Variants in EIF5 observed in about 807,000 individuals in gnomAD.
The protein encoded by EIF5 is eukaryotic translation initiation factor 5.
EIF5 carries 10 observed loss-of-function variants against 48.3 expected under a neutral mutation model. The ratio of observed to expected loss-of-function variants is 0.21; its 90% CI spans 0.13 to 0.35. The LOEUF is 0.35. Ranked by LOEUF, EIF5 falls within the 10% of genes least tolerant of loss-of-function variation. The probability of loss-of-function intolerance (pLI) is 1.00; values close to 1 mark genes in which losing one functional copy is unlikely to be tolerated. For synonymous variants in EIF5, 237 were observed against 173.1 expected (o/e 1.37, Z -2.90); for missense variants, 397 against 533.2 (o/e 0.74, Z 2.51).
At position 103,336,764 on chromosome 14, in the gene EIF5, A is replaced by T; in HGVS notation, c.242A>T (p.Glu81Val). Residue 81 changes from glutamate (E) to valine (V), a missense_variant, in exon 5 of 12, where the codon GAG becomes GTG. By Grantham distance (121) the Glu-to-Val change is moderately radical. This residue lies in a region of EIF5 where 108 missense variants were observed against 188.3 expected (regional missense o/e 0.57). Transcript: ENST00000216554. ...CGTTACATTGTCAATGGATCTCATGAGGCGAATAAGCTGCAAGACATGTTG... is the reference window on the plus strand; with the variant it reads ...CGTTACATTGTCAATGGATCTCATGTGGCGAATAAGCTGCAAGACATGTTG... ...NDRYIVNGSHEANKLQDMLDG... is the reference protein window; with the variant it reads ...NDRYIVNGSHVANKLQDMLDG... 6.2e-7 allele frequency: 1 copy of T among 1,614,176 alleles called. No individual in the cohort carries two copies. Among genetic ancestry groups the T allele is most frequent in the South Asian group, 1.1e-5 (1 of 91,080 alleles).
At chr14:103,337,822 GC>G in intron 6 of EIF5, 1 of 504,730 alleles carries the variant, frequency 2.0e-6, no homozygotes, top group Non-Finnish European at 3.9e-6. Flanking sequence ...GGTAAAGAGG[GC>G]CCCCTTCATT....
rs1218178172 is a variant in EIF5, at chr14:103,343,299, G to C, written c.*2247G>C. The C allele has an allele frequency of 6.6e-6, 1 of 152,154 alleles. No homozygotes were observed. Among genetic ancestry groups the C allele is most frequent in the Non-Finnish European group, 1.5e-5 (1 of 68,008 alleles). 9.4% of individuals were successfully genotyped at this position (152,154 alleles called of 1,614,324 possible). A position where few individuals can be genotyped will look rare whatever the true frequency, so the allele number is the denominator to read the frequency against. ...TTGGATGTATCCTGCAGTTACACTT[G>C]CCAGCCCCACTCACAAAAGTTGTTC... On this transcript the variant is annotated 3_prime_UTR_variant, in exon 12 of 12. Transcript: ENST00000216554.
intron 6 of EIF5, chr14:103,338,037 T>TCC (rs2089309519): frequency 1.2e-5 from 7 of 574,376 alleles, no homozygotes; most frequent in South Asian, 1.1e-4. Flanking sequence ...ATGACAGGGA[T>TCC]CCTTAGGGCC....
rs555881997 is a variant in EIF5 at position 103,339,947 on chromosome 14, G to T, written c.1071+144G>T. ...GATCTCAGCTCCCTGAAACCTCCAC[G>T]TCCCGGCTTCAAGTGATTCTCCTGC... On this transcript the variant is annotated intron_variant, in intron 10 of 11. Transcript: ENST00000216554. 5.2e-6 allele frequency: 5 copies of T among 963,340 alleles called. No individual in the cohort carries two copies. The South Asian group carries it at 7.2e-5, about 14-fold the overall frequency. 59.7% of individuals were successfully genotyped at this position (963,340 alleles called of 1,614,324 possible). A position where few individuals can be genotyped will look rare whatever the true frequency, so the allele number is the denominator to read the frequency against.
rs1241715291 is a variant in EIF5 at position 103,341,413 on chromosome 14, T to C, written c.*361T>C. 1 of 179,320 alleles carries C rather than the reference T, an allele frequency of 5.6e-6. No individual in the cohort carries two copies. The highest frequency in any genetic ancestry group is 5.5e-5 in the Admixed American group (1 of 18,158). 11.1% of individuals were successfully genotyped at this position (179,320 alleles called of 1,614,324 possible). On this transcript the variant is annotated 3_prime_UTR_variant, in exon 12 of 12. Coordinates refer to ENST00000216554, the MANE Select transcript of EIF5 (RefSeq NM_001969.5). ...GAAGTAACTGGCTCCTTACTTTAAA[T>C]GTTCTGCCATCATTTCACCTGATGA...
intron 9 of EIF5, 122 bp from the exon 10 acceptor site, chr14:103,339,517 A>G (rs1440753982): frequency 3.3e-5 from 49 of 1,481,130 alleles, no homozygotes; most frequent in Middle Eastern, 2.2e-4. Flanking sequence ...ATGTTTATGC[A>G]TTGACCTTTT....
In EIF5 at chr14:103,336,120, A is replaced by G; in HGVS notation, c.154+3A>G. ...GGCGCTTAATCGGCCTCCAACGTGT[A>G]AGTAAAGCTTGGAAAAGTCCACAGG... On this transcript the variant is annotated splice_donor_region_variant and intron_variant, in intron 4 of 11. Coordinates refer to ENST00000216554, the MANE Select transcript of EIF5 (RefSeq NM_001969.5). 1.2e-6 allele frequency: 2 copies of G among 1,613,918 alleles called. No individual in the cohort carries two copies. Among genetic ancestry groups the G allele is most frequent in the Non-Finnish European group, 1.7e-6 (2 of 1,179,882 alleles).
At chr14:103,339,393 C>T in intron 9 of EIF5, 60 bp downstream of exon 9, 2 of 1,538,202 alleles carry the variant, frequency 1.3e-6, no homozygotes, top group Non-Finnish European at 1.7e-6. Flanking sequence ...TCGAGATGGT[C>T]ATATTAACCA....
Position 103,341,668 on chromosome 14 carries a change from T to A in EIF5, c.*616T>A, listed in dbSNP as rs1331123363. Reference sequence around the variant, plus strand: ...CCAAGAAGTAAATATGACCTCAGTGTCCTATAAATAATGTAAGAGCAGGAT... The same window carrying A: ...CCAAGAAGTAAATATGACCTCAGTGACCTATAAATAATGTAAGAGCAGGAT... On this transcript the variant is annotated 3_prime_UTR_variant, in exon 12 of 12. Transcript: ENST00000216554. The A allele has an allele frequency of 3.3e-5, 5 of 152,318 alleles. No homozygotes were observed. The highest frequency in any genetic ancestry group is 3.3e-4 in the Admixed American group (5 of 15,304). 9.4% of individuals were successfully genotyped at this position (152,318 alleles called of 1,614,324 possible). A position where few individuals can be genotyped will look rare whatever the true frequency, so the allele number is the denominator to read the frequency against.
chr14:103,340,620 A>G, intron 11 of EIF5, 59 bp downstream of exon 11: 2 of 1,567,088 alleles, frequency 1.3e-6, no homozygotes, highest in Non-Finnish European at 1.7e-6. Flanking sequence ...TTGAGATTTA[A>G]AAAGGTTTGT....
intron 10 of EIF5, among the ~76,000 whole-genome samples, chr14:103,340,122 G>A (rs571069519): frequency 6.6e-6 from 1 of 152,250 alleles, no homozygotes; most frequent in African/African-American, 2.4e-5. Context: ...AAGTGCTGAG[G>A]TTACAGGTGT....
chr14:103,341,141 A>G lies in EIF5; in HGVS notation c.*89A>G. 2.5e-6 allele frequency: 3 copies of G among 1,189,552 alleles called. No homozygotes were observed. The Admixed American group carries it at 5.3e-5, about 21-fold the overall frequency. 73.7% of individuals were successfully genotyped at this position (1,189,552 alleles called of 1,614,324 possible). On this transcript the variant is annotated 3_prime_UTR_variant, in exon 12 of 12. Transcript: ENST00000216554. Reference sequence around the variant, plus strand: ...AGTGCAACATGTATGTGCAAAAGCTAAAATGGCTTAACATCATGCTACACT... The same window carrying G: ...AGTGCAACATGTATGTGCAAAAGCTGAAATGGCTTAACATCATGCTACACT...
intron 4 of EIF5, chr14:103,336,442 G>A (rs188293711): frequency 1.8e-5 from 10 of 559,854 alleles, no homozygotes; most frequent in South Asian, 4.6e-5. Context: ...TTAGCCAGGC[G>A]TGGTGGCATG....
intron 2 of EIF5, 178 bp downstream of exon 2, chr14:103,334,775 T>C (rs2089263253): frequency 1.4e-5 from 2 of 146,430 alleles, no homozygotes; most frequent in South Asian, 4.4e-4. Context: ...CTCCCCGGCA[T>C]GGCGGGAGCG....
At position 103,343,813 on chromosome 14, in the gene EIF5, A is replaced by G. The variant is rs2089381636; in HGVS notation, c.*2761A>G. ...CTGTTGTACCAAGGTCACTTATCTA[A>G]CAAAATAACCCTTCATGTATTTTAA... On this transcript the variant is annotated 3_prime_UTR_variant, in exon 12 of 12. Transcript: ENST00000216554. 1 of 152,270 alleles carries G rather than the reference A, an allele frequency of 6.6e-6. No homozygotes were observed. The highest frequency in any genetic ancestry group is 6.5e-5 in the Admixed American group (1 of 15,288). 9.4% of individuals were successfully genotyped at this position (152,270 alleles called of 1,614,324 possible).
chr14:103,337,290 T>C (rs1595363126), intron 6 of EIF5, 63 bp downstream of exon 6: 16 of 1,400,148 alleles, frequency 1.1e-5, no homozygotes, highest in Middle Eastern at 1.8e-4. Context: ...GGGAACAAAA[T>C]AGAAGGTTTT....
At chr14:103,337,509 T>A (rs757125270) in intron 6 of EIF5, 11 of 410,708 alleles carry the variant, frequency 2.7e-5, no homozygotes, top group Non-Finnish European at 4.8e-5. Flanking sequence ...AGCTGAGGCA[T>A]GAGCGTCGCT....
chr14:103,335,266 G>C (rs961839944), intron 2 of EIF5: 1 of 154,806 alleles, frequency 6.5e-6, no homozygotes, highest in Non-Finnish European at 1.4e-5. Flanking sequence ...ACGAACGGGG[G>C]TGTGCCTGAG....
intron 10 of EIF5, 79 bp downstream of exon 10, chr14:103,339,882 G>A (rs3783393): frequency 0.13 from 183,533 of 1,468,160 alleles, 12,821 homozygotes; most frequent in East Asian, 0.28. Flanking sequence ...TTTTGGAGAC[G>A]GAGTCTCATT....
Sources: allele counts gnomAD v4.1 joint callset (sites outside exome capture counted in the v4.1 genomes callset), GRCh38; gene constraint gnomAD v4.1.1; regional missense constraint gnomAD v4.1.1; transcripts MANE v1.5; gene names NCBI Gene and HGNC (gene_info 2026-07-23, HGNC 2026-07-21).